Variants in PCDHB12 observed in about 807,000 individuals in gnomAD.
PCDHB12 encodes the protein protocadherin beta 12.
For synonymous variants in PCDHB12, 560 were observed against 445.2 expected (o/e 1.26, Z -3.24); for missense variants, 1,192 against 998.2 (o/e 1.19, Z -2.62).
rs1754425065 is a variant in PCDHB12, at chr5:141,210,568, C to T, written c.1661C>T (p.Ala554Val). Reference protein sequence around the residue: ...EALVRVLVLDANDNSPFVLYP... With the variant: ...EALVRVLVLDVNDNSPFVLYP... Reference sequence around the variant, plus strand: ...CTGGTGCGCGTGCTGGTGCTGGACGCCAACGACAACTCGCCCTTCGTGCTG... The same window carrying T: ...CTGGTGCGCGTGCTGGTGCTGGACGTCAACGACAACTCGCCCTTCGTGCTG... The change falls in exon 1 of 1, where the codon GCC becomes GTC. Residue 554 changes from alanine to valine, a missense_variant. By Grantham distance (64) the Ala-to-Val change is moderately conservative. Transcript: ENST00000239450. 6.2e-7 allele frequency: 1 copy of T among 1,611,718 alleles called. No individual in the cohort carries two copies. Among genetic ancestry groups the T allele is most frequent in the Admixed American group, 1.7e-5 (1 of 60,002 alleles).
Position 141,211,127 on chromosome 5 carries a change from T to C in PCDHB12, c.2220T>C (p.Ser740=), listed in dbSNP as rs782599556. Residue 740 remains serine, a synonymous_variant, in exon 1 of 1, where the codon AGT becomes AGC. Transcript: ENST00000239450. Reference sequence around the variant, plus strand: ...TTCCAGGACATCTGGTGGACGTGAGTGGCACCGGGACCCTGTCCCAGAGCT... The same window carrying C: ...TTCCAGGACATCTGGTGGACGTGAGCGGCACCGGGACCCTGTCCCAGAGCT... ...GPFPGHLVDV[S]GTGTLSQSYH... is the part of the protein sequence containing the mutation. 8 of 1,613,998 alleles carry C rather than the reference T, an allele frequency of 5.0e-6. No homozygotes were observed. Among genetic ancestry groups the C allele is most frequent in the East Asian group, 2.2e-5 (1 of 44,874 alleles).
rs1754387987 is a variant in PCDHB12 at position 141,209,691 on chromosome 5, G to A, written c.784G>A (p.Val262Met). The change falls in exon 1 of 1, where the codon GTG (valine) becomes ATG (methionine). Residue 262 changes from valine (V) to methionine (M), a missense_variant. By Grantham distance (21) the Val-to-Met change is conservative (BLOSUM62 1). Transcript: ENST00000239450. ...GAATAGCATCCTTGGCTCCCTGGTT[G>A]TGACCGTCTCAGCCTGGGATTTAGA... ...LENSILGSLV[V>M]TVSAWDLDSG... 3 of 1,614,200 alleles carry A rather than the reference G, an allele frequency of 1.9e-6. No individual in the cohort carries two copies. In the East Asian group the frequency reaches 6.7e-5, roughly 36 times the overall value.
At position 141,210,333 on chromosome 5, in the gene PCDHB12, A is replaced by G; in HGVS notation, c.1426A>G (p.Thr476Ala). 9 of 1,613,142 alleles carry G rather than the reference A, an allele frequency of 5.6e-6. No homozygotes were observed. Among genetic ancestry groups the G allele is most frequent in the Non-Finnish European group, 5.1e-6 (6 of 1,180,018 alleles). The change falls in exon 1 of 1, where the codon ACA becomes GCA. Residue 476 changes from threonine to alanine, a missense_variant. Physicochemically the swap from Thr to Ala is moderately conservative, Grantham distance 58. Coordinates refer to ENST00000239450, the MANE Select transcript of PCDHB12 (RefSeq NM_018932.4). ...PALHIGSISA[T>A]DRDSGTNAQV... The stretch of plus-strand genomic sequence containing the variant: ...CCTGCACATCGGCAGCATCAGCGCC[A>G]CAGACAGAGACTCGGGCACCAACGC...
chr5:141,210,930 G>C lies in PCDHB12; in HGVS notation c.2023G>C (p.Glu675Gln), dbSNP rs782216073. ...GFSQPYLPLP[E>Q]AAPAQAQADS... The stretch of plus-strand genomic sequence containing the variant: ...CTCCCAGCCCTACCTGCCTCTCCCG[G>C]AGGCGGCCCCGGCCCAGGCCCAGGC... Residue 675 changes from glutamate to glutamine, a missense_variant, in exon 1 of 1, where the codon GAG (glutamate) becomes CAG (glutamine). Glu to Gln is a conservative substitution (Grantham distance 29, BLOSUM62 2). Transcript: ENST00000239450. The C allele has an allele frequency of 1.2e-6, 2 of 1,611,136 alleles. No homozygotes were observed. The highest frequency in any genetic ancestry group is 1.7e-6 in the Non-Finnish European group (2 of 1,179,730).
rs543654041 is a variant in PCDHB12 at position 141,211,710 on chromosome 5, A to G, written c.*415A>G. 68 of 225,970 alleles carry G rather than the reference A, an allele frequency of 3.0e-4. No homozygotes were observed. Among genetic ancestry groups the G allele is most frequent in the Non-Finnish European group, 5.4e-4 (56 of 103,588 alleles). 14.0% of individuals were successfully genotyped at this position (225,970 alleles called of 1,614,324 possible). On this transcript the variant is annotated 3_prime_UTR_variant, in exon 1 of 1. Transcript: ENST00000239450. ...TTTTTTAAAAAAAGTTGTTTTATGA[A>G]TCATACACTATTTTCACACTTTTAA...
At position 141,210,282 on chromosome 5, in the gene PCDHB12, T is replaced by G; in HGVS notation, c.1375T>G (p.Phe459Val). Residue 459 changes from phenylalanine to valine, a missense_variant, in exon 1 of 1, where the codon TTC (phenylalanine) becomes GTC (valine). Coordinates refer to ENST00000239450, the MANE Select transcript of PCDHB12 (RefSeq NM_018932.4). ...CTTCACCCAAACTTCCTACGCCCTG[T>G]TCGTCCGCGAGAACAACAGCCCCGC... ...PAFTQTSYAL[F>V]VRENNSPALH... The G allele has an allele frequency of 6.2e-7, 1 of 1,613,948 alleles. No individual in the cohort carries two copies. Among genetic ancestry groups the G allele is most frequent in the Non-Finnish European group, 8.5e-7 (1 of 1,180,040 alleles).
In PCDHB12 at chr5:141,210,551, C is replaced by A. The variant is rs147374257; in HGVS notation, c.1644C>A (p.Arg548=). 4.6e-4 allele frequency: 738 copies of A among 1,611,700 alleles called. No homozygotes were observed. Among genetic ancestry groups the A allele is most frequent in the Admixed American group, 9.2e-4 (55 of 60,004 alleles). ...CTTTGAGCAGCGAGGCGCTGGTGCG[C>A]GTGCTGGTGCTGGACGCCAACGACA... ...SPALSSEALV[R]VLVLDANDNS... is the part of the protein sequence containing the mutation. Residue 548 remains arginine, a synonymous_variant, in exon 1 of 1, where the codon CGC becomes CGA. Transcript: ENST00000239450.
Position 141,210,203 on chromosome 5 carries a change from A to C in PCDHB12, c.1296A>C (p.Lys432Asn). ...CCGACTTGGGGACCCCCAGGCTAAAAACCGAGCACAACATAACCGTGCTGG... is the reference window on the plus strand; with the variant it reads ...CCGACTTGGGGACCCCCAGGCTAAACACCGAGCACAACATAACCGTGCTGG... ...TVTDLGTPRLKTEHNITVLVS... is the reference protein window; with the variant it reads ...TVTDLGTPRLNTEHNITVLVS... The change falls in exon 1 of 1, where the codon AAA (lysine) becomes AAC (asparagine). Residue 432 changes from lysine (K) to asparagine (N), a missense_variant. Physicochemically the swap from Lys to Asn is moderately conservative, Grantham distance 94. Transcript: ENST00000239450. 1 of 1,614,054 alleles carries C rather than the reference A, an allele frequency of 6.2e-7. No homozygotes were observed. The highest frequency in any genetic ancestry group is 8.5e-7 in the Non-Finnish European group (1 of 1,179,974).
At position 141,209,282 on chromosome 5, in the gene PCDHB12, T is replaced by C. The variant is rs1554286628; in HGVS notation, c.375T>C (p.Asp125=). Residue 125 remains aspartate, a synonymous_variant, in exon 1 of 1, where the codon GAT becomes GAC. Transcript: ENST00000239450. The part of the protein sequence containing the change: ...QFLQIELQVR[D]INDHSPVFLE... ...TACAAATTGAGCTCCAGGTCAGGGA[T>C]ATAAATGATCACTCTCCCGTCTTCT... 2 of 1,614,060 alleles carry C rather than the reference T, an allele frequency of 1.2e-6. No individual in the cohort carries two copies. Among genetic ancestry groups the C allele is most frequent in the Non-Finnish European group, 1.7e-6 (2 of 1,180,034 alleles).
In PCDHB12 at chr5:141,208,890, G is replaced by C; in HGVS notation, c.-18G>C. The C allele has an allele frequency of 6.6e-7, 1 of 1,513,546 alleles. No homozygotes were observed. The highest frequency in any genetic ancestry group is 8.8e-7 in the Non-Finnish European group (1 of 1,134,020). 93.8% of individuals were successfully genotyped at this position (1,513,546 alleles called of 1,614,324 possible). ...AGGCAATTCTGCAAGAAGATTTTGG[G>C]GTTTTGGAAAAGAAGCTATGGAAAA... On this transcript the variant is annotated 5_prime_UTR_variant, in exon 1 of 1. Transcript: ENST00000239450.
rs782697708 is a variant in PCDHB12, at chr5:141,209,790, A to C, written c.883A>C (p.Asn295His). The change falls in exon 1 of 1, where the codon AAT becomes CAT. Residue 295 changes from asparagine to histidine, a missense_variant. Physicochemically the swap from Asn to His is moderately conservative, Grantham distance 68. Coordinates refer to ENST00000239450, the MANE Select transcript of PCDHB12 (RefSeq NM_018932.4). ...SEDIRKTFEINQKSGDITLTA... is the reference protein window; with the variant it reads ...SEDIRKTFEIHQKSGDITLTA... ...AGATATTCGCAAGACATTTGAAATT[A>C]ATCAAAAGTCTGGTGACATTACTTT... 1 of 1,614,236 alleles carries C rather than the reference A, an allele frequency of 6.2e-7. No individual in the cohort carries two copies. Among genetic ancestry groups the C allele is most frequent in the Non-Finnish European group, 8.5e-7 (1 of 1,180,048 alleles).
chr5:141,209,089 C>T lies in PCDHB12; in HGVS notation c.182C>T (p.Ser61Leu). Reference sequence around the variant, plus strand: ...GGACTCGAGGTGAGTGAGCTGTCTTCGCGGGGGGCTCGGGTGGTTTCTAAT... The same window carrying T: ...GGACTCGAGGTGAGTGAGCTGTCTTTGCGGGGGGCTCGGGTGGTTTCTAAT... ...TLGLEVSELS[S>L]RGARVVSNDN... Residue 61 changes from serine (S) to leucine (L), a missense_variant, in exon 1 of 1, where the codon TCG becomes TTG. Transcript: ENST00000239450. 2.5e-6 allele frequency: 4 copies of T among 1,613,326 alleles called. No individual in the cohort carries two copies. The highest frequency in any genetic ancestry group is 2.5e-6 in the Non-Finnish European group (3 of 1,179,428).
Position 141,210,826 on chromosome 5 carries a change from T to C in PCDHB12, c.1919T>C (p.Leu640Pro), listed in dbSNP as rs781869904. Residue 640 changes from leucine to proline, a missense_variant, in exon 1 of 1, where the codon CTG becomes CCG. Transcript: ENST00000239450. ...GAGCGCGACGCGGCCAAGCACAGGCTGGTGGTGCTGGTCAAGGACAATGGC... is the reference window on the plus strand; with the variant it reads ...GAGCGCGACGCGGCCAAGCACAGGCCGGTGGTGCTGGTCAAGGACAATGGC... Reference protein sequence around the residue: ...LSERDAAKHRLVVLVKDNGEP... With the variant: ...LSERDAAKHRPVVLVKDNGEP... The C allele has an allele frequency of 2.6e-5, 42 of 1,601,178 alleles. No individual in the cohort carries two copies.
Position 141,209,850 on chromosome 5 carries a change from T to C in PCDHB12, c.943T>C (p.Tyr315His), listed in dbSNP as rs1754395157. 1 of 1,614,038 alleles carries C rather than the reference T, an allele frequency of 6.2e-7. No individual in the cohort carries two copies. Among genetic ancestry groups the C allele is most frequent in the African/African-American group, 1.3e-5 (1 of 74,932 alleles). ...APLDFEAIES[Y>H]SIIIQATDGG... ...TTTGGATTTTGAAGCAATTGAGTCA[T>C]ACTCAATAATCATTCAAGCCACAGA... is the stretch of plus-strand genomic sequence containing the variant. Residue 315 changes from tyrosine (Y) to histidine (H), a missense_variant, in exon 1 of 1, where the codon TAC (tyrosine) becomes CAC (histidine). Tyr to His is a moderately conservative substitution (Grantham distance 83). Coordinates refer to ENST00000239450, the MANE Select transcript of PCDHB12 (RefSeq NM_018932.4).
In PCDHB12 at chr5:141,211,979, G is replaced by T. The variant is rs1280497713; in HGVS notation, c.*684G>T. 6.0e-6 allele frequency: 1 copy of T among 167,000 alleles called. No homozygotes were observed. Among genetic ancestry groups the T allele is most frequent in the African/African-American group, 2.4e-5 (1 of 41,426 alleles). 10.3% of individuals were successfully genotyped at this position (167,000 alleles called of 1,614,324 possible). A position where few individuals can be genotyped will look rare whatever the true frequency, so the allele number is the denominator to read the frequency against. Reference sequence around the variant, plus strand: ...AAGTTTTTATCGTATTCATACTACTGTTCAATCTTTATTTAGAAATAAACT... The same window carrying T: ...AAGTTTTTATCGTATTCATACTACTTTTCAATCTTTATTTAGAAATAAACT... On this transcript the variant is annotated 3_prime_UTR_variant, in exon 1 of 1. Coordinates refer to ENST00000239450, the MANE Select transcript of PCDHB12 (RefSeq NM_018932.4).
chr5:141,209,204 T>A lies in PCDHB12; in HGVS notation c.297T>A (p.Asn99Lys), dbSNP rs1554286614. ...MLDREELCGS[N>K]EPCVLYFQVL... ...ACAGGGAGGAGCTCTGTGGCTCCAATGAGCCTTGTGTGCTGTATTTCCAAG... is the reference window on the plus strand; with the variant it reads ...ACAGGGAGGAGCTCTGTGGCTCCAAAGAGCCTTGTGTGCTGTATTTCCAAG... The change falls in exon 1 of 1, where the codon AAT becomes AAA. Residue 99 changes from asparagine to lysine, a missense_variant. Physicochemically the swap from Asn to Lys is moderately conservative, Grantham distance 94. Coordinates refer to ENST00000239450, the MANE Select transcript of PCDHB12 (RefSeq NM_018932.4). 2 of 1,614,174 alleles carry A rather than the reference T, an allele frequency of 1.2e-6. No individual in the cohort carries two copies. Among genetic ancestry groups the A allele is most frequent in the South Asian group, 2.2e-5 (2 of 91,078 alleles).
chr5:141,209,108 T>C lies in PCDHB12; in HGVS notation c.201T>C (p.Val67=). The change falls in exon 1 of 1, where the codon GTT becomes GTC. Residue 67 remains valine, a synonymous_variant. Coordinates refer to ENST00000239450, the MANE Select transcript of PCDHB12 (RefSeq NM_018932.4). ...SELSSRGARV[V]SNDNKECLQL... is the part of the protein sequence containing the mutation. ...TGTCTTCGCGGGGGGCTCGGGTGGTTTCTAATGATAACAAAGAGTGTTTGC... is the reference window on the plus strand; with the variant it reads ...TGTCTTCGCGGGGGGCTCGGGTGGTCTCTAATGATAACAAAGAGTGTTTGC... 1 of 1,613,918 alleles carries C rather than the reference T, an allele frequency of 6.2e-7. No homozygotes were observed. Among genetic ancestry groups the C allele is most frequent in the Non-Finnish European group, 8.5e-7 (1 of 1,179,888 alleles).
Position 141,210,174 on chromosome 5 carries a change from G to C in PCDHB12, c.1267G>C (p.Val423Leu). Reference sequence around the variant, plus strand: ...AGCCGAGTACAACATCACCATCACCGTCACCGACTTGGGGACCCCCAGGCT... The same window carrying C: ...AGCCGAGTACAACATCACCATCACCCTCACCGACTTGGGGACCCCCAGGCT... Reference protein sequence around the residue: ...SRAEYNITITVTDLGTPRLKT... With the variant: ...SRAEYNITITLTDLGTPRLKT... Residue 423 changes from valine (V) to leucine (L), a missense_variant, in exon 1 of 1, where the codon GTC becomes CTC. By Grantham distance (32) the Val-to-Leu change is conservative. Coordinates refer to ENST00000239450, the MANE Select transcript of PCDHB12 (RefSeq NM_018932.4). The C allele has an allele frequency of 6.2e-7, 1 of 1,614,126 alleles. No individual in the cohort carries two copies. The highest frequency in any genetic ancestry group is 8.5e-7 in the Non-Finnish European group (1 of 1,179,996).
Position 141,211,019 on chromosome 5 carries a change from G to T in PCDHB12, c.2112G>T (p.Ser704=), listed in dbSNP as rs781820742. Reference sequence around the variant, plus strand: ...CAGTGTCGTCGCTCTTCCTCTTCTCGGTGCTCCTGTTCGTGGCGGTGCGGC... The same window carrying T: ...CAGTGTCGTCGCTCTTCCTCTTCTCTGTGCTCCTGTTCGTGGCGGTGCGGC... ...LASVSSLFLF[S]VLLFVAVRLC... Residue 704 remains serine (S), a synonymous_variant, in exon 1 of 1, where the codon TCG becomes TCT. Transcript: ENST00000239450. The T allele has an allele frequency of 6.2e-7, 1 of 1,611,888 alleles. No individual in the cohort carries two copies. Among genetic ancestry groups the T allele is most frequent in the Admixed American group, 1.7e-5 (1 of 60,020 alleles).
Sources: allele counts gnomAD v4.1 joint callset, GRCh38; gene constraint gnomAD v4.1.1; transcripts MANE v1.5; gene names NCBI Gene and HGNC (gene_info 2026-07-23, HGNC 2026-07-21).